Variants in ZNF33A observed in about 807,000 individuals in gnomAD.
The protein encoded by ZNF33A is zinc finger protein 33A.
Under a neutral mutation model 15.9 loss-of-function variants are expected in ZNF33A, and 9 were observed. That is an observed-to-expected ratio of 0.57 (90% CI 0.34 to 0.99). The LOEUF is 0.99. ZNF33A is among the 50% of genes least tolerant of loss of function. The pLI, the probability that ZNF33A is intolerant of heterozygous loss-of-function variation, is 0.02. For synonymous variants in ZNF33A, 294 were observed against 324.2 expected (o/e 0.91, Z 1.00); for missense variants, 843 against 941.6 (o/e 0.90, Z 1.37).
chr10:38,024,016 G>T lies in ZNF33A; in HGVS notation c.250+6630G>T, dbSNP rs2064867130. 1.3e-5 allele frequency among the ~76,000 whole-genome samples: 2 copies of T among 151,832 alleles called. 1 individual carries two copies. The highest frequency in any genetic ancestry group is 2.9e-5 in the Non-Finnish European group (2 of 67,936). On this transcript the variant is annotated intron_variant, in intron 4 of 4. Coordinates refer to ENST00000432900, the MANE Select transcript of ZNF33A (RefSeq NM_006954.2). Reference sequence around the variant, plus strand: ...TCTACTAAAAATACAAAATTAGCCGGGTGTGGTGGTGCATGCCTGTAATCC... The same window carrying T: ...TCTACTAAAAATACAAAATTAGCCGTGTGTGGTGGTGCATGCCTGTAATCC...
chr10:38,019,611 A>G (rs1438644183), intron 4 of ZNF33A, among the ~76,000 whole-genome samples: 2 of 152,246 alleles, frequency 1.3e-5, no homozygotes, highest in African/African-American at 2.4e-5. Flanking sequence ...GGAAAGCACT[A>G]TCAAATAAAA....
At chr10:38,021,129 T>A (rs1259338101) in intron 4 of ZNF33A, among the ~76,000 whole-genome samples, 2 of 152,182 alleles carry the variant, frequency 1.3e-5, no homozygotes, top group Non-Finnish European at 2.9e-5. Context: ...ATGAACAACA[T>A]AGGTTGATAA....
downstream of ZNF33A, among the ~76,000 whole-genome samples, chr10:38,063,472 C>T (rs2066679541): frequency 6.6e-6 from 1 of 152,090 alleles, no homozygotes; most frequent in Non-Finnish European, 1.5e-5. Context: ...TAAATATATA[C>T]AAAATGCTAA....
intron 4 of ZNF33A, among the ~76,000 whole-genome samples, chr10:38,047,194 A>C (rs1424014829): frequency 1.8e-5 from 2 of 108,648 alleles, no homozygotes; most frequent in African/African-American, 5.5e-5. Flanking sequence ...CCCTGCCAAA[A>C]AAAAAAAAAA....
chr10:38,032,136 A>G (rs1441818834), intron 4 of ZNF33A, among the ~76,000 whole-genome samples: 1 of 152,074 alleles, frequency 6.6e-6, no homozygotes, highest in South Asian at 2.1e-4. Flanking sequence ...AAAAAATAAA[A>G]CAAGGGTTGG....
chr10:38,067,082 T>C (rs2066715693), downstream of ZNF33A, among the ~76,000 whole-genome samples: 1 of 152,224 alleles, frequency 6.6e-6, no homozygotes, highest in South Asian at 2.1e-4. Context: ...TTACAACCTA[T>C]CATGATCATG....
intron 4 of ZNF33A, among the ~76,000 whole-genome samples, chr10:38,035,060 A>G (rs542197082): frequency 3.3e-5 from 5 of 149,646 alleles, no homozygotes; most frequent in South Asian, 2.1e-4. Flanking sequence ...GCAAATTACC[A>G]TACCCAACAG....
chr10:38,036,243 C>T (rs2065448555), intron 4 of ZNF33A, among the ~76,000 whole-genome samples: 1 of 152,008 alleles, frequency 6.6e-6, no homozygotes, highest in African/African-American at 2.4e-5. Context: ...AGTTTGAGAC[C>T]AGCCTGGCCA....
chr10:38,028,202 A>G (rs1356380307), intron 4 of ZNF33A, among the ~76,000 whole-genome samples: 1 of 152,108 alleles, frequency 6.6e-6, no homozygotes, highest in Non-Finnish European at 1.5e-5. Context: ...CAGGAAGTCA[A>G]GGCTGCAGTG....
chr10:38,022,365 T>C (rs887563724), intron 4 of ZNF33A, among the ~76,000 whole-genome samples: 1 of 152,082 alleles, frequency 6.6e-6, no homozygotes, highest in African/African-American at 2.4e-5. Context: ...TTTATAAATA[T>C]GACAACATAG....
At chr10:38,031,587 GA>G (rs527860734) in intron 4 of ZNF33A, among the ~76,000 whole-genome samples, 8,026 of 119,478 alleles carry the variant, frequency 0.067, 288 homozygotes, top group Middle Eastern at 0.13. Context: ...AAAAAGAAAA[GA>G]AAAAAAAAAA....
chr10:38,044,996 G>T (rs990071124), intron 4 of ZNF33A, among the ~76,000 whole-genome samples: 11 of 152,130 alleles, frequency 7.2e-5, no homozygotes, highest in African/African-American at 2.7e-4. Flanking sequence ...CTGCTTTGAG[G>T]TCAGCTAAGT....
downstream of ZNF33A, among the ~76,000 whole-genome samples, chr10:38,065,470 T>C (rs1307066097): frequency 6.6e-6 from 1 of 152,228 alleles, no homozygotes; most frequent in East Asian, 1.9e-4. Flanking sequence ...GTTGACCTGC[T>C]CTTATGTCCC....
intron 4 of ZNF33A, among the ~76,000 whole-genome samples, chr10:38,031,707 A>G (rs1411625336): frequency 2.6e-5 from 4 of 152,140 alleles, no homozygotes; most frequent in African/African-American, 9.7e-5. Flanking sequence ...GCTCACGCCT[A>G]TAACCCCAGC....
intron 4 of ZNF33A, among the ~76,000 whole-genome samples, chr10:38,026,186 C>T (rs1247413124): frequency 2.6e-5 from 4 of 152,206 alleles, no homozygotes; most frequent in Non-Finnish European, 5.9e-5. Flanking sequence ...AATAATGCTT[C>T]AGTGAACACT....
At chr10:38,043,580 A>G (rs1417934859) in intron 4 of ZNF33A, among the ~76,000 whole-genome samples, 1 of 152,084 alleles carries the variant, frequency 6.6e-6, no homozygotes, top group Non-Finnish European at 1.5e-5. Context: ...ACAACTGGGA[A>G]CACAATATTT....
In ZNF33A at chr10:38,056,457, A is replaced by G; in HGVS notation, c.2333A>G (p.Asn778Ser). ...QRRHIGENLM[N>S]EMDIRNFQPQ... ...AGACATATAGGAGAAAACCTTATGA[A>G]TGAAATGGATATTAGAAATTTCCAG... The change falls in exon 5 of 5, where the codon AAT becomes AGT. Residue 778 changes from asparagine (N) to serine (S), a missense_variant. Physicochemically the swap from Asn to Ser is conservative, Grantham distance 46. Coordinates refer to ENST00000432900, the MANE Select transcript of ZNF33A (RefSeq NM_006954.2). 6.8e-6 allele frequency: 11 copies of G among 1,613,926 alleles called. No homozygotes were observed. Among genetic ancestry groups the G allele is most frequent in the Non-Finnish European group, 9.3e-6 (11 of 1,179,874 alleles).
chr10:38,046,430 G>C (rs1288005318), intron 4 of ZNF33A, among the ~76,000 whole-genome samples: 4 of 152,296 alleles, frequency 2.6e-5, no homozygotes, highest in South Asian at 2.1e-4. Context: ...TTTCTCCGTG[G>C]TGAGGAGTAA....
rs368507613 is a variant in ZNF33A, at chr10:38,038,551, GAT to G, written c.251-15822_251-15821del. ...GCATGAGTAGTCAACTGCAAATACA[GAT>G]AGTTTCACTTTTGTTTTCAATCTAA... On this transcript the variant is annotated intron_variant, in intron 4 of 4. Coordinates refer to ENST00000432900, the MANE Select transcript of ZNF33A (RefSeq NM_006954.2). 6.8e-3 allele frequency among the ~76,000 whole-genome samples: 1,030 copies of G among 152,322 alleles called. 14 individuals carry two copies. Among genetic ancestry groups the G allele is most frequent in the African/African-American group, 0.023 (959 of 41,580 alleles).
Sources: gnomAD v4.1 joint callset for allele counts (sites outside exome capture counted in the v4.1 genomes callset) on GRCh38, gnomAD v4.1.1 for gene constraint, MANE v1.5 for transcripts, NCBI Gene and HGNC (gene_info 2026-07-23, HGNC 2026-07-21) for gene names.